Variants in MYO3B observed in about 807,000 individuals in gnomAD.
MYO3B encodes myosin-IIIb.
Under a neutral mutation model 174.6 loss-of-function variants are expected in MYO3B, and 156 were observed. The ratio of observed to expected loss-of-function variants is 0.89; its 90% CI spans 0.78 to 1.02. MYO3B has a LOEUF of 1.02. Among genes scored for constraint, MYO3B ranks in the 50% least tolerant of loss-of-function variants. The pLI is 0.00. For missense variants in MYO3B, 1,632 were observed against 1,639.4 expected (o/e 1.00, Z 0.08); for synonymous variants, 563 against 569.1 (o/e 0.99, Z 0.15).
intron 7 of MYO3B, among the ~76,000 whole-genome samples, chr2:170,298,443 G>A (rs951816407): frequency 6.6e-6 from 1 of 152,122 alleles, no homozygotes; most frequent in Non-Finnish European, 1.5e-5. Flanking sequence ...TTGGGAGGCC[G>A]AGGTGGGTGG....
At chr2:170,392,184 T>G (rs1253850493) in intron 15 of MYO3B, among the ~76,000 whole-genome samples, 197 bp from the exon 16 acceptor site, 1 of 150,306 alleles carries the variant, frequency 6.7e-6, no homozygotes, top group African/African-American at 2.5e-5. Context: ...TCCAAGCTAC[T>G]CAGGAGGCTG....
chr2:170,338,244 T>TA (rs1223598558), intron 8 of MYO3B: 1 of 152,186 alleles, frequency 6.6e-6, no homozygotes, highest in Non-Finnish European at 1.5e-5. Context: ...CATCCTGTTG[T>TA]AATTGCAAGG....
intron 8 of MYO3B, among the ~76,000 whole-genome samples, chr2:170,350,062 C>T (rs1156387427): frequency 2.0e-5 from 3 of 151,786 alleles, no homozygotes; most frequent in Non-Finnish European, 2.9e-5. Context: ...ATTGCAGTGG[C>T]GCGATCTCGG....
intron 18 of MYO3B, among the ~76,000 whole-genome samples, 160 bp downstream of exon 18, chr2:170,401,851 G>A (rs527464521): frequency 4.2e-5 from 6 of 141,590 alleles, no homozygotes; most frequent in South Asian, 2.2e-4. Context: ...TGCCCAGGCC[G>A]GAGTGCAGTG....
intron 7 of MYO3B, among the ~76,000 whole-genome samples, chr2:170,312,080 CTTT>C (rs1183874094): frequency 6.6e-6 from 1 of 152,160 alleles, no homozygotes; most frequent in Non-Finnish European, 1.5e-5. Context: ...CACGGGGTAA[CTTT>C]TTATTTGCTC....
chr2:170,224,881 C>T lies in MYO3B; in HGVS notation c.603+7486C>T, dbSNP rs377086564. Among the ~76,000 whole-genome samples the T allele has an allele frequency of 2.6e-5, 4 of 152,312 alleles. No individual in the cohort carries two copies. In the South Asian group the frequency reaches 8.3e-4, roughly 32 times the overall value. On this transcript the variant is annotated intron_variant, in intron 6 of 34. Transcript: ENST00000408978. ...GACGGTTGCCATAACAACTAGCTTA[C>T]ACTAATGCAGAAATATCGCAAGCTT...
chr2:170,503,318 A>G (rs1424988166), intron 28 of MYO3B, among the ~76,000 whole-genome samples: 1 of 152,242 alleles, frequency 6.6e-6, no homozygotes, highest in Non-Finnish European at 1.5e-5. Context: ...GCTGTAAAAC[A>G]GAAATGGGTC....
intron 7 of MYO3B, among the ~76,000 whole-genome samples, chr2:170,330,977 A>G (rs75398784): frequency 6.6e-6 from 1 of 152,210 alleles, no homozygotes; most frequent in Admixed American, 6.5e-5. Flanking sequence ...GAATTCATTC[A>G]AAAAATTTAC....
At chr2:170,193,890 A>G (rs747155526) in intron 1 of MYO3B, among the ~76,000 whole-genome samples, 4 of 152,166 alleles carry the variant, frequency 2.6e-5, no homozygotes, top group Non-Finnish European at 5.9e-5. Context: ...ATAAAGAAAA[A>G]TGAGGAATTT....
intron 7 of MYO3B, among the ~76,000 whole-genome samples, chr2:170,239,382 A>G (rs959710716): frequency 6.6e-6 from 1 of 152,206 alleles, no homozygotes; most frequent in Non-Finnish European, 1.5e-5. Flanking sequence ...TCTTTGGCTA[A>G]TGACCCCCTT....
At chr2:170,214,588 A>C (rs956396062) in intron 4 of MYO3B, 105 bp downstream of exon 4, 11 of 1,329,400 alleles carry the variant, frequency 8.3e-6, no homozygotes, top group African/African-American at 2.9e-5. Context: ...TATGATATGC[A>C]AGGATTACTA....
At chr2:170,263,880 C>T (rs549712433) in intron 7 of MYO3B, among the ~76,000 whole-genome samples, 44 of 152,244 alleles carry the variant, frequency 2.9e-4, no homozygotes, top group Admixed American at 7.9e-4. Context: ...GGCTGGGGGA[C>T]GGTCAGGTCT....
chr2:170,247,647 A>G (rs1365474593), intron 7 of MYO3B, among the ~76,000 whole-genome samples: 1 of 152,190 alleles, frequency 6.6e-6, no homozygotes, highest in Non-Finnish European at 1.5e-5. Flanking sequence ...TCCAAGATCA[A>G]GATGTCATCA....
At chr2:170,328,702 G>A (rs925754934) in intron 7 of MYO3B, among the ~76,000 whole-genome samples, 3 of 151,922 alleles carry the variant, frequency 2.0e-5, no homozygotes, top group African/African-American at 7.3e-5. Flanking sequence ...TACATGAACG[G>A]CTAAATAACC....
chr2:170,491,453 C>G (rs937321380), intron 25 of MYO3B, among the ~76,000 whole-genome samples: 3 of 100,458 alleles, frequency 3.0e-5, no homozygotes, highest in Admixed American at 2.1e-4. Context: ...TATTTTAAGA[C>G]GGAGTCTCTG....
chr2:170,547,329 CAA>C (rs549507676), intron 32 of MYO3B, among the ~76,000 whole-genome samples: 28 of 99,802 alleles, frequency 2.8e-4, no homozygotes, highest in Non-Finnish European at 2.7e-4. Context: ...GACTCTGTCT[CAA>C]AAAAAAAAAA....
intron 28 of MYO3B, among the ~76,000 whole-genome samples, chr2:170,502,421 ATCCAGGCTT>A (rs1340173932): frequency 6.6e-6 from 1 of 152,198 alleles, no homozygotes; most frequent in Non-Finnish European, 1.5e-5. Flanking sequence ...TGTTTCCCAA[ATCCAGGCTT>A]ATATGTGGCT....
At chr2:170,294,844 A>C (rs1172514706) in intron 7 of MYO3B, among the ~76,000 whole-genome samples, 1 of 152,080 alleles carries the variant, frequency 6.6e-6, no homozygotes, top group African/African-American at 2.4e-5. Context: ...CTGGTGGAAG[A>C]TATTGAGAAT....
intron 7 of MYO3B, among the ~76,000 whole-genome samples, chr2:170,261,700 G>T (rs1252546078): frequency 1.3e-5 from 2 of 152,138 alleles, no homozygotes; most frequent in East Asian, 3.9e-4. Flanking sequence ...CCTGGTTGTG[G>T]CATGATGCTA....
Sources: allele counts gnomAD v4.1 joint callset (sites outside exome capture counted in the v4.1 genomes callset), GRCh38; gene constraint gnomAD v4.1.1; transcripts MANE v1.5; gene names NCBI Gene and HGNC (gene_info 2026-07-23, HGNC 2026-07-21).